Variants in ROBO2 observed in about 807,000 individuals in gnomAD.
The protein encoded by ROBO2 is roundabout homolog 2.
Under a neutral mutation model 160.8 loss-of-function variants are expected in ROBO2, and 53 were observed. That is an observed-to-expected ratio of 0.33 (90% confidence interval 0.26 to 0.41). The LOEUF is 0.41. ROBO2 is among the 10% of genes least tolerant of loss of function. The pLI, the probability that ROBO2 is intolerant of heterozygous loss-of-function variation, is 1.00. For missense variants in ROBO2, 1,577 were observed against 1,722.4 expected, an observed-to-expected ratio of 0.92 and a Z score of 1.49; for synonymous variants, 664 against 611.7, an observed-to-expected ratio of 1.09 and a Z score of -1.26.
intron 2 of ROBO2, among the ~76,000 whole-genome samples, chr3:76,485,023 C>T (rs996325956): frequency 7.9e-5 from 12 of 152,110 alleles, no homozygotes; most frequent in African/African-American, 2.9e-4. Context: ...CAATTGCAGT[C>T]CCCAACCTTT....
At chr3:76,515,746 G>A (rs1006884534) in intron 2 of ROBO2, among the ~76,000 whole-genome samples, 1 of 152,126 alleles carries the variant, frequency 6.6e-6, no homozygotes, top group Admixed American at 6.5e-5. Context: ...ACTCTAGAAA[G>A]AAAACCACTG....
intron 2 of ROBO2, among the ~76,000 whole-genome samples, chr3:76,073,863 T>G (rs187972780): frequency 6.6e-6 from 1 of 152,244 alleles, no homozygotes; most frequent in East Asian, 1.9e-4. Flanking sequence ...GGGTTCCCTT[T>G]TAAAAACCTT....
intron 2 of ROBO2, among the ~76,000 whole-genome samples, chr3:76,062,926 G>T (rs1221219142): frequency 1.3e-5 from 2 of 152,104 alleles, no homozygotes; most frequent in Non-Finnish European, 2.9e-5. Context: ...AGAAAATTAT[G>T]CCTACTGATA....
chr3:76,687,718 C>T (rs1246621073), intron 2 of ROBO2, among the ~76,000 whole-genome samples: 1 of 151,902 alleles, frequency 6.6e-6, no homozygotes, highest in African/African-American at 2.4e-5. Flanking sequence ...CAAGTTTTGG[C>T]AACACAACCA....
At chr3:76,184,120 C>G (rs751684399) in intron 2 of ROBO2, among the ~76,000 whole-genome samples, 25 of 152,094 alleles carry the variant, frequency 1.6e-4, no homozygotes, top group Non-Finnish European at 2.6e-4. Flanking sequence ...AAATAACAAC[C>G]ATGTATTTGG....
chr3:76,350,357 C>T (rs2074797750), intron 2 of ROBO2, among the ~76,000 whole-genome samples: 1 of 151,998 alleles, frequency 6.6e-6, no homozygotes, highest in African/African-American at 2.4e-5. Context: ...CTTTTCAACC[C>T]AGAGAGAATA....
intron 2 of ROBO2, among the ~76,000 whole-genome samples, chr3:77,214,668 C>G (rs887184875): frequency 1.3e-5 from 2 of 152,166 alleles, no homozygotes; most frequent in Non-Finnish European, 2.9e-5. Context: ...CAGTTTCTTC[C>G]TAGCCTCAAT....
intron 2 of ROBO2, among the ~76,000 whole-genome samples, chr3:76,722,076 A>T (rs998385905): frequency 6.6e-6 from 1 of 152,144 alleles, no homozygotes; most frequent in Non-Finnish European, 1.5e-5. Flanking sequence ...TGTTTCCTAA[A>T]AATTGAAGGC....
intron 2 of ROBO2, among the ~76,000 whole-genome samples, chr3:76,956,795 C>T (rs951329875): frequency 6.6e-6 from 1 of 152,018 alleles, no homozygotes; most frequent in Non-Finnish European, 1.5e-5. Flanking sequence ...GGCCCAACCT[C>T]AGAACCACTG....
At chr3:77,557,834 A>G (rs768263547) in intron 8 of ROBO2, 110 bp from the exon 10 acceptor site, 39 of 818,994 alleles carry the variant, frequency 4.8e-5, no homozygotes, top group Non-Finnish European at 6.9e-5. Flanking sequence ...AGAATAAGTT[A>G]TAAGTAATAT....
At chr3:76,478,641 C>T (rs2079056341) in intron 2 of ROBO2, among the ~76,000 whole-genome samples, 1 of 150,276 alleles carries the variant, frequency 6.7e-6, no homozygotes, top group South Asian at 2.1e-4. Flanking sequence ...CAGTTGCATA[C>T]TAACCAACAT....
chr3:77,295,213 C>T (rs188921716), intron 2 of ROBO2, among the ~76,000 whole-genome samples: 8 of 135,940 alleles, frequency 5.9e-5, no homozygotes, highest in African/African-American at 1.1e-4. Context: ...GACGATTAAA[C>T]GGTAAGCTGA....
At chr3:76,142,390 A>G (rs2071704595) in intron 2 of ROBO2, among the ~76,000 whole-genome samples, 1 of 152,054 alleles carries the variant, frequency 6.6e-6, no homozygotes, top group Non-Finnish European at 1.5e-5. Flanking sequence ...AGCACTGTTT[A>G]CAGTAGCTAA....
intron 2 of ROBO2, among the ~76,000 whole-genome samples, chr3:76,806,664 A>G (rs1052073138): frequency 1.3e-5 from 2 of 152,060 alleles, no homozygotes; most frequent in African/African-American, 4.8e-5. Context: ...AGAATTCCCA[A>G]CAGCGTTTAA....
chr3:77,192,328 T>C (rs2150950741), intron 2 of ROBO2, among the ~76,000 whole-genome samples: 1 of 152,300 alleles, frequency 6.6e-6, no homozygotes, highest in Admixed American at 6.5e-5. Flanking sequence ...TGTAATTCCT[T>C]CATTTCATAA....
At chr3:77,449,082 A>C in intron 2 of ROBO2, among the ~76,000 whole-genome samples, 1 of 152,178 alleles carries the variant, frequency 6.6e-6, no homozygotes, top group East Asian at 1.9e-4. Context: ...GTATTCAATT[A>C]GATATGCTAA....
chr3:77,404,405 G>A (rs1344439505), intron 2 of ROBO2, among the ~76,000 whole-genome samples: 1 of 152,100 alleles, frequency 6.6e-6, no homozygotes. Context: ...GACATTTTAA[G>A]AGCCTACAGA....
intron 2 of ROBO2, among the ~76,000 whole-genome samples, chr3:76,010,132 C>T (rs971653365): frequency 6.6e-6 from 1 of 152,158 alleles, no homozygotes; most frequent in East Asian, 1.9e-4. Context: ...ATAAAAATGT[C>T]AACTTCGAAA....
intron 2 of ROBO2, among the ~76,000 whole-genome samples, chr3:76,878,701 T>C (rs1255680656): frequency 6.6e-6 from 1 of 152,156 alleles, no homozygotes; most frequent in Non-Finnish European, 1.5e-5. Context: ...GAGGAAGAAG[T>C]AGCCTAGTTC....
Sources: gnomAD v4.1 joint callset for allele counts (sites outside exome capture counted in the v4.1 genomes callset) on GRCh38, gnomAD v4.1.1 for gene constraint, MANE v1.5 for transcripts, NCBI Gene and HGNC (gene_info 2026-07-23, HGNC 2026-07-21) for gene names.